Variants in ANK3 observed in about 807,000 individuals in gnomAD.
ANK3 encodes ankyrin-3.
ANK3 carries 57 observed loss-of-function variants against 370.9 expected under a neutral mutation model. The observed-to-expected ratio is 0.15, with a 90% CI of 0.12 to 0.19. The LOEUF is 0.19. Among genes scored for constraint, ANK3 ranks in the 10% least tolerant of loss-of-function variants. The pLI is 1.00. For synonymous variants in ANK3, 1,929 were observed against 1,946.3 expected, an observed-to-expected ratio of 0.99 and a Z score of 0.23; for missense variants, 4,439 against 5,302.1, an observed-to-expected ratio of 0.84 and a Z score of 5.06.
At chr10:60,593,747 G>A (rs1256946478) in intron 2 of ANK3, among the ~76,000 whole-genome samples, 1 of 152,124 alleles carries the variant, frequency 6.6e-6, no homozygotes, top group Non-Finnish European at 1.5e-5. Context: ...CTGTTCAAGG[G>A]AACTGTGGTG....
At position 60,261,911 on chromosome 10, in the gene ANK3, T is replaced by C. The variant is rs1438240986; in HGVS notation, c.746A>G (p.Asn249Ser). Residue 249 changes from asparagine to serine, a missense_variant, in exon 7 of 44, where the codon AAT becomes AGT. By Grantham distance (46) the Asn-to-Ser change is conservative. Around this residue, in one of 13 missense-constraint regions of ANK3, gnomAD observed 227 missense variants for 377.6 expected, o/e 0.60. Transcript: ENST00000280772. ...TCGGTTTAACAGCAACGTGGCTACA[T>C]TGATATTTCCATAGTGAGCAGCTAT... ...LHIAAHYGNI[N>S]VATLLLNRAA... The C allele has an allele frequency of 6.2e-7, 1 of 1,614,144 alleles. No homozygotes were observed. Among genetic ancestry groups the C allele is most frequent in the Non-Finnish European group, 8.5e-7 (1 of 1,179,982 alleles).
intron 23 of ANK3, among the ~76,000 whole-genome samples, chr10:60,143,195 C>A (rs188298973): frequency 1.8e-5 from 1 of 54,682 alleles, no homozygotes; most frequent in East Asian, 5.9e-4. Context: ...TACTTATAAG[C>A]CAGGCATTGT....
intron 2 of ANK3, among the ~76,000 whole-genome samples, chr10:60,542,197 TC>T (rs2076864292): frequency 6.6e-6 from 1 of 151,842 alleles, no homozygotes; most frequent in Non-Finnish European, 1.5e-5. Flanking sequence ...TGATGGTACT[TC>T]CAAAAAATAT....
At chr10:60,664,392 C>T (rs1286217276) in intron 1 of ANK3, among the ~76,000 whole-genome samples, 1 of 152,128 alleles carries the variant, frequency 6.6e-6, no homozygotes, top group Non-Finnish European at 1.5e-5. Flanking sequence ...CAAAATATTA[C>T]ACCAAATAAA....
At chr10:60,532,003 G>A (rs1452870826) in intron 2 of ANK3, among the ~76,000 whole-genome samples, 1 of 152,140 alleles carries the variant, frequency 6.6e-6, no homozygotes, top group East Asian at 1.9e-4. Context: ...CATCTGGAAG[G>A]TGTATTTTAA....
chr10:60,137,412 A>T (rs1419658393), intron 24 of ANK3: 13 of 330,824 alleles, frequency 3.9e-5, no homozygotes, highest in Non-Finnish European at 7.7e-5. Flanking sequence ...GAAAGCAAAA[A>T]ATCAGACAGG....
Position 60,471,289 on chromosome 10 carries a change from C to G in ANK3, c.96+143897G>C, listed in dbSNP as rs555473304. Among the ~76,000 whole-genome samples, 13 of 152,204 alleles carry G rather than the reference C, an allele frequency of 8.5e-5. No individual in the cohort carries two copies. In the South Asian group the frequency reaches 2.3e-3, roughly 27 times the overall value. On this transcript the variant is annotated intron_variant, in intron 2 of 43. Transcript: ENST00000373827. ...GTCCCAGAAAACAAACAAACAAAAA[C>G]GTATATACACAGATATACAGTGTGT...
intron 1 of ANK3, among the ~76,000 whole-genome samples, chr10:60,660,153 T>A (rs1431143557): frequency 6.6e-6 from 1 of 152,174 alleles, no homozygotes; most frequent in Non-Finnish European, 1.5e-5. Context: ...TGCTTGTATA[T>A]TAAATTTTGA....
At chr10:60,254,450 C>T (rs1419774904) in intron 7 of ANK3, among the ~76,000 whole-genome samples, 1 of 152,198 alleles carries the variant, frequency 6.6e-6, no homozygotes, top group African/African-American at 2.4e-5. Flanking sequence ...CTCCATGCTC[C>T]AGTAGCTGAT....
chr10:60,162,308 G>T (rs1270283126), intron 23 of ANK3, among the ~76,000 whole-genome samples: 1 of 152,150 alleles, frequency 6.6e-6, no homozygotes, highest in African/African-American at 2.4e-5. Context: ...GACTTTGGGG[G>T]CAGGGGAATG....
At chr10:60,686,202 C>T (rs910311845) in intron 1 of ANK3, among the ~76,000 whole-genome samples, 1 of 151,804 alleles carries the variant, frequency 6.6e-6, no homozygotes, top group Non-Finnish European at 1.5e-5. Context: ...ATACAAAGAG[C>T]CTTACAGGAA....
At chr10:60,342,582 T>C (rs2054509571) in intron 1 of ANK3, among the ~76,000 whole-genome samples, 1 of 152,174 alleles carries the variant, frequency 6.6e-6, no homozygotes, top group East Asian at 1.9e-4. Flanking sequence ...TCATACACAT[T>C]AGCTCTTTGA....
chr10:60,117,495 C>T (rs971219288), intron 25 of ANK3, among the ~76,000 whole-genome samples: 1 of 152,030 alleles, frequency 6.6e-6, no homozygotes, highest in African/African-American at 2.4e-5. Context: ...TGAAAAAACT[C>T]CAGGGAAAAT....
At chr10:60,462,056 A>T (rs1366510244) in intron 2 of ANK3, among the ~76,000 whole-genome samples, 1 of 152,036 alleles carries the variant, frequency 6.6e-6, no homozygotes, top group African/African-American at 2.4e-5. Flanking sequence ...CAAAGAAGAG[A>T]TTTACTAAAC....
At chr10:60,230,508 C>T (rs1382342014) in intron 8 of ANK3, among the ~76,000 whole-genome samples, 1 of 152,168 alleles carries the variant, frequency 6.6e-6, no homozygotes, top group Non-Finnish European at 1.5e-5. Context: ...TCAACAGGAA[C>T]ATGAGTTAAC....
intron 1 of ANK3, among the ~76,000 whole-genome samples, chr10:60,698,326 T>C (rs2133413861): frequency 1.3e-5 from 2 of 151,302 alleles, no homozygotes; most frequent in South Asian, 2.1e-4. Flanking sequence ...AGTTCAACCA[T>C]TGTGGAAGTC....
chr10:60,687,531 A>ACACACACACACACACAC (rs111633246), intron 1 of ANK3, among the ~76,000 whole-genome samples: 13 of 121,124 alleles, frequency 1.1e-4, no homozygotes, highest in African/African-American at 4.3e-4. Flanking sequence ...CTGGTATAAA[A>ACACACACACACACACAC]AAAAACACAC....
intron 1 of ANK3, among the ~76,000 whole-genome samples, chr10:60,360,393 C>T (rs997775751): frequency 2.0e-5 from 3 of 152,096 alleles, no homozygotes; most frequent in Non-Finnish European, 4.4e-5. Context: ...ATATTTCTTA[C>T]TATGTGAAGA....
At chr10:60,588,964 GA>G (rs1443902480) in intron 2 of ANK3, among the ~76,000 whole-genome samples, 1 of 152,058 alleles carries the variant, frequency 6.6e-6, no homozygotes. Flanking sequence ...GGAAAGGGGA[GA>G]AAGAGGAGGT....
Sources: allele counts gnomAD v4.1 joint callset (sites outside exome capture counted in the v4.1 genomes callset), GRCh38; gene constraint gnomAD v4.1.1; regional missense constraint gnomAD v4.1.1; transcripts MANE v1.5; gene names NCBI Gene and HGNC (gene_info 2026-07-23, HGNC 2026-07-21).